Variants in LRBA observed in about 807,000 individuals in gnomAD.
LRBA encodes lipopolysaccharide-responsive and beige-like anchor protein.
A neutral mutation model predicts 330.0 loss-of-function variants in LRBA; 176 were observed. That is an observed-to-expected ratio of 0.53 (90% CI 0.47 to 0.60). LRBA has a LOEUF of 0.60. Ranked by LOEUF, LRBA falls within the 20% of genes least tolerant of loss-of-function variation. LRBA has a pLI of 0.00. For synonymous variants in LRBA, 1,230 were observed against 1,193.0 expected (o/e 1.03, Z -0.64); for missense variants, 3,259 against 3,444.8 (o/e 0.95, Z 1.35).
chr4:150,885,213 A>AG (rs1290429588), intron 17 of LRBA, among the ~76,000 whole-genome samples: 1 of 151,670 alleles, frequency 6.6e-6, no homozygotes, highest in African/African-American at 2.4e-5. Context: ...AAAAAAAAAA[A>AG]AAAGGCACAG....
intron 44 of LRBA, among the ~76,000 whole-genome samples, chr4:150,467,204 C>T (rs1755553078): frequency 1.3e-5 from 2 of 152,030 alleles, no homozygotes; most frequent in Admixed American, 1.3e-4. Context: ...CATAAAGATA[C>T]TTTTTTAATA....
At chr4:151,006,411 G>C (rs1486714711) in intron 2 of LRBA, among the ~76,000 whole-genome samples, 1 of 152,014 alleles carries the variant, frequency 6.6e-6, no homozygotes, top group Non-Finnish European at 1.5e-5. Context: ...TAAAAATTAA[G>C]ACATTTCCAT....
chr4:150,460,840 G>T (rs1754688305), intron 44 of LRBA, among the ~76,000 whole-genome samples: 1 of 151,740 alleles, frequency 6.6e-6, no homozygotes, highest in African/African-American at 2.4e-5. Context: ...TTATTAAAAA[G>T]TAAGTATTTG....
intron 2 of LRBA, among the ~76,000 whole-genome samples, chr4:150,979,984 C>T (rs1740658455): frequency 6.6e-6 from 1 of 152,028 alleles, no homozygotes; most frequent in South Asian, 2.1e-4. Context: ...CCAGTATTAC[C>T]CTGATACCAA....
intron 31 of LRBA, among the ~76,000 whole-genome samples, chr4:150,813,193 G>C: frequency 7.1e-6 from 1 of 141,716 alleles, no homozygotes; most frequent in African/African-American, 2.8e-5. Context: ...AAGAAAGAAA[G>C]AAAAGAAAAA....
chr4:150,436,886 A>G (rs1751181310), intron 44 of LRBA, 22 bp from the exon 45 acceptor site: 2 of 1,608,280 alleles, frequency 1.2e-6, no homozygotes, highest in Non-Finnish European at 1.7e-6. Context: ...GAGGGAAAAA[A>G]CAAAGAATAC....
chr4:150,791,562 G>C (rs1739914259), intron 34 of LRBA, among the ~76,000 whole-genome samples: 1 of 152,054 alleles, frequency 6.6e-6, no homozygotes, highest in African/African-American at 2.4e-5. Context: ...AAAGGACTTG[G>C]GCAAGGCAGA....
intron 53 of LRBA, among the ~76,000 whole-genome samples, chr4:150,292,064 C>T (rs1470306424): frequency 6.6e-6 from 1 of 152,130 alleles, no homozygotes; most frequent in East Asian, 1.9e-4. Flanking sequence ...ATTTTAACAC[C>T]ACTTGGCAGA....
intron 47 of LRBA, among the ~76,000 whole-genome samples, chr4:150,360,302 C>T (rs1233109327): frequency 1.4e-5 from 2 of 148,054 alleles, no homozygotes; most frequent in African/African-American, 5.0e-5. Context: ...CTATAGTAGC[C>T]ACATTTTAAA....
chr4:150,937,662 T>C (rs911884316), intron 2 of LRBA, among the ~76,000 whole-genome samples: 1 of 152,146 alleles, frequency 6.6e-6, no homozygotes, highest in African/African-American at 2.4e-5. Flanking sequence ...TCATAAACAA[T>C]TTTTATAGCA....
At chr4:150,868,153 G>A in intron 21 of LRBA, 29 bp downstream of exon 21, 2 of 1,581,720 alleles carry the variant, frequency 1.3e-6, no homozygotes, top group Non-Finnish European at 1.7e-6. Context: ...TTTGAATACT[G>A]CAAATAAATG....
intron 2 of LRBA, among the ~76,000 whole-genome samples, chr4:150,934,607 C>T (rs1243463468): frequency 6.6e-6 from 1 of 152,044 alleles, no homozygotes; most frequent in Non-Finnish European, 1.5e-5. Context: ...TGCGGTGGCT[C>T]ACATCTGTAA....
intron 56 of LRBA, among the ~76,000 whole-genome samples, chr4:150,272,393 T>A (rs748657890): frequency 3.3e-5 from 5 of 151,322 alleles, no homozygotes; most frequent in Non-Finnish European, 2.9e-5. Flanking sequence ...AAGCTGAAAA[T>A]TGCAAAAACC....
At chr4:151,006,230 G>A (rs1744057634) in intron 2 of LRBA, among the ~76,000 whole-genome samples, 1 of 152,126 alleles carries the variant, frequency 6.6e-6, no homozygotes. Flanking sequence ...GGGAAGCTGA[G>A]GCAGGAGAAT....
At chr4:150,390,305 A>G (rs1158501339) in intron 47 of LRBA, among the ~76,000 whole-genome samples, 2 of 152,136 alleles carry the variant, frequency 1.3e-5, no homozygotes, top group East Asian at 1.9e-4. Context: ...AAACCACAGA[A>G]TGTGCTTTCC....
intron 40 of LRBA, among the ~76,000 whole-genome samples, chr4:150,499,505 T>C (rs1405033685): frequency 6.6e-6 from 1 of 151,992 alleles, no homozygotes; most frequent in Non-Finnish European, 1.5e-5. Context: ...ATGACTGAGG[T>C]GGCATGTGCC....
At chr4:150,907,694 A>T (rs1396932468) in intron 11 of LRBA, among the ~76,000 whole-genome samples, 1 of 152,108 alleles carries the variant, frequency 6.6e-6, no homozygotes, top group Non-Finnish European at 1.5e-5. Flanking sequence ...ATGAAACAAT[A>T]ATTTCACTAT....
chr4:150,503,975 T>G (rs1031598571), intron 40 of LRBA, among the ~76,000 whole-genome samples: 1 of 152,040 alleles, frequency 6.6e-6, no homozygotes, highest in Non-Finnish European at 1.5e-5. Context: ...TGCGATCAAC[T>G]GGAAGAAAGG....
intron 2 of LRBA, among the ~76,000 whole-genome samples, chr4:150,993,353 A>G (rs930868237): frequency 3.3e-5 from 5 of 152,158 alleles, no homozygotes; most frequent in African/African-American, 1.2e-4. Context: ...GGAAAGAATA[A>G]ATTTAAATAC....
Sources: allele counts gnomAD v4.1 joint callset (sites outside exome capture counted in the v4.1 genomes callset), GRCh38; gene constraint gnomAD v4.1.1; transcripts MANE v1.5; gene names NCBI Gene and HGNC (gene_info 2026-07-23, HGNC 2026-07-21).